Variants in ABCA10 observed in about 807,000 individuals in gnomAD.
ABCA10 encodes ATP-binding cassette sub-family A member 10.
Under a neutral mutation model 187.5 loss-of-function variants are expected in ABCA10, and 169 were observed. The observed-to-expected ratio is 0.90, with a 90% CI of 0.80 to 1.02. The LOEUF is 1.02. Ranked by LOEUF, ABCA10 falls within the 50% of genes least tolerant of loss-of-function variation. The pLI, the probability that ABCA10 is intolerant of heterozygous loss-of-function variation, is 0.00. For synonymous variants in ABCA10, 574 were observed against 601.8 expected (o/e 0.95, Z 0.68); for missense variants, 1,727 against 1,812.4 (o/e 0.95, Z 0.86).
Position 69,152,182 on chromosome 17 carries a change from A to G in ABCA10, c.4258T>C (p.Cys1420Arg), listed in dbSNP as rs1277563754. 1.9e-6 allele frequency: 3 copies of G among 1,604,108 alleles called. No individual in the cohort carries two copies. Among genetic ancestry groups the G allele is most frequent in the African/African-American group, 1.4e-5 (1 of 74,004 alleles). The change falls in exon 36 of 39, where the codon TGT becomes CGT. Residue 1420 changes from cysteine to arginine, a missense_variant and splice_region_variant. Cys to Arg is a radical substitution (Grantham distance 180). Transcript: ENST00000690296. ...MAMMVSGTLR[C>R]IGSIQHLKNK... is the part of the protein sequence containing the mutation. ...TTCAGATGTTGAATGGAACCAATACACCTAGTTCAGGGGAAATAAAGAAAA... is the reference window on the plus strand; with the variant it reads ...TTCAGATGTTGAATGGAACCAATACGCCTAGTTCAGGGGAAATAAAGAAAA...
intron 25 of ABCA10, among the ~76,000 whole-genome samples, chr17:69,166,277 T>C (rs892689635): frequency 6.6e-6 from 1 of 151,842 alleles, no homozygotes; most frequent in South Asian, 2.1e-4. Flanking sequence ...CCGTAGGACC[T>C]AGGAATTGCC....
At chr17:69,227,623 A>C (rs1360334765) in intron 1 of ABCA10, among the ~76,000 whole-genome samples, 1 of 151,948 alleles carries the variant, frequency 6.6e-6, no homozygotes, top group African/African-American at 2.4e-5. Context: ...TTAGAATCCA[A>C]AAAACACTTT....
At chr17:69,225,251 G>A in intron 3 of ABCA10, 74 bp downstream of exon 3, 1 of 1,535,398 alleles carries the variant, frequency 6.5e-7, no homozygotes, top group Non-Finnish European at 9.0e-7. Context: ...GGCTAGGTAA[G>A]TAAATTCAAC....
chr17:69,241,817 G>A (rs2074904785), intron 1 of ABCA10, among the ~76,000 whole-genome samples: 1 of 152,206 alleles, frequency 6.6e-6, no homozygotes, highest in Non-Finnish European at 1.5e-5. Context: ...TTTCAATAAT[G>A]TATATGCCTA....
At chr17:69,211,319 A>ATG (rs2074650419) in intron 9 of ABCA10, among the ~76,000 whole-genome samples, 4 of 3,656 alleles carry the variant, frequency 1.1e-3, no homozygotes, top group African/African-American at 5.0e-3. Flanking sequence ...TATATGATAT[A>ATG]TATATATATA....
intron 25 of ABCA10, among the ~76,000 whole-genome samples, chr17:69,171,934 C>CAAAA (rs555588771): frequency 6.2e-5 from 5 of 80,242 alleles, no homozygotes; most frequent in Non-Finnish European, 1.0e-4. Context: ...TTTGGGAAGC[C>CAAAA]AAAAAAAAAA....
intron 9 of ABCA10, among the ~76,000 whole-genome samples, chr17:69,207,555 G>A (rs1456408749): frequency 6.6e-6 from 1 of 152,054 alleles, no homozygotes; most frequent in African/African-American, 2.4e-5. Context: ...ATATACAATA[G>A]AATACTATTT....
chr17:69,216,321 T>C lies in ABCA10; in HGVS notation c.568A>G (p.Ile190Val). ...WGLTYICFIF[I>V]MSIFMALVIT... ...ACCAGAGCCATAAAAATGGACATAA[T>C]GAAGATGAAGCAAATGTATGTCAAT... The change falls in exon 7 of 39, where the codon ATT (isoleucine) becomes GTT (valine). Residue 190 changes from isoleucine (I) to valine (V), a missense_variant. Coordinates refer to ENST00000690296, the MANE Select transcript of ABCA10 (RefSeq NM_001377321.1). The C allele has an allele frequency of 6.2e-7, 1 of 1,613,294 alleles. No individual in the cohort carries two copies. Among genetic ancestry groups the C allele is most frequent in the Non-Finnish European group, 8.5e-7 (1 of 1,179,660 alleles).
intron 3 of ABCA10, among the ~76,000 whole-genome samples, chr17:69,224,688 GA>G (rs34181751): frequency 0.035 from 4,760 of 137,294 alleles, 139 homozygotes; most frequent in African/African-American, 0.094. Context: ...AGTCTTATGG[GA>G]AAAAAAAAAA....
At chr17:69,149,164 G>A (rs2074110041) in intron 37 of ABCA10, 76 bp from the exon 38 acceptor site, 3 of 1,507,212 alleles carry the variant, frequency 2.0e-6, no homozygotes, top group East Asian at 2.3e-5. Context: ...AATAGAGACA[G>A]TAGCTTCAAA....
At chr17:69,201,919 A>G (rs1409341459) in intron 9 of ABCA10, among the ~76,000 whole-genome samples, 1 of 151,994 alleles carries the variant, frequency 6.6e-6, no homozygotes, top group African/African-American at 2.4e-5. Flanking sequence ...CCAAGTAGCT[A>G]TTACAGGCAC....
intron 25 of ABCA10, 82 bp downstream of exon 25, chr17:69,174,199 C>A (rs1159205155): frequency 3.9e-6 from 4 of 1,019,652 alleles, no homozygotes; most frequent in Admixed American, 2.8e-5. Context: ...CTCTTCTAAG[C>A]AAAGTATTTA....
Position 69,174,878 on chromosome 17 carries a change from A to G in ABCA10, c.2878-101T>C, listed in dbSNP as rs1224902951. 4 of 1,058,908 alleles carry G rather than the reference A, an allele frequency of 3.8e-6. No individual in the cohort carries two copies. In the African/African-American group the frequency reaches 6.5e-5, roughly 17 times the overall value. The allele number at this position is 1,058,908 out of a possible 1,614,324, so 65.6% of individuals were successfully genotyped here. On this transcript the variant is annotated intron_variant, in intron 23 of 38. Transcript: ENST00000690296. ...TAATAAATTTTAGAAATAGTATGTT[A>G]TAGTGTCTGTGTGACAAAAAGCATC...
chr17:69,183,008 G>A (rs543062357), intron 20 of ABCA10, among the ~76,000 whole-genome samples, 200 bp from the exon 21 acceptor site: 8 of 152,114 alleles, frequency 5.3e-5, no homozygotes, highest in Non-Finnish European at 7.4e-5. Context: ...TCAATGTGAC[G>A]GACTCCTTTA....
In ABCA10 at chr17:69,187,300, T is replaced by G. The variant is rs570706346; in HGVS notation, c.2330+381A>C. 4.6e-5 allele frequency among the ~76,000 whole-genome samples: 7 copies of G among 152,228 alleles called. No homozygotes were observed. In the South Asian group the frequency reaches 1.4e-3, roughly 32 times the overall value. On this transcript the variant is annotated intron_variant, in intron 19 of 38. Coordinates refer to ENST00000690296, the MANE Select transcript of ABCA10 (RefSeq NM_001377321.1). ...TGCACAAGGGATACATGAGGAGGCA[T>G]GAAGAGATATCTGTACATGCCTGAG... is the stretch of plus-strand genomic sequence containing the variant.
chr17:69,163,254 G>A (rs2074231736), intron 27 of ABCA10, among the ~76,000 whole-genome samples: 1 of 152,188 alleles, frequency 6.6e-6, no homozygotes, highest in Non-Finnish European at 1.5e-5. Context: ...CCTGAAGATT[G>A]AGGGGTGTCA....
Position 69,187,764 on chromosome 17 carries a change from T to A in ABCA10, c.2247A>T (p.Ala749=). 6.2e-7 allele frequency: 1 copy of A among 1,613,960 alleles called. No individual in the cohort carries two copies. The highest frequency in any genetic ancestry group is 1.3e-5 in the African/African-American group (1 of 75,056). The change falls in exon 19 of 39, where the codon GCA becomes GCT. Residue 749 remains alanine (A), a synonymous_variant. Coordinates refer to ENST00000690296, the MANE Select transcript of ABCA10 (RefSeq NM_001377321.1). ...LPETRKAVSS[A]ALWRRQIYAV... ...CATAGATTTGTCGTCTCCAGAGAGCTGCACTACTGACAGCCTTTCTTGTTT... is the reference window on the plus strand; with the variant it reads ...CATAGATTTGTCGTCTCCAGAGAGCAGCACTACTGACAGCCTTTCTTGTTT...
intron 1 of ABCA10, among the ~76,000 whole-genome samples, chr17:69,240,725 C>T (rs1019479853): frequency 5.9e-5 from 9 of 152,208 alleles, no homozygotes; most frequent in African/African-American, 2.2e-4. Flanking sequence ...CCAAAGTTGT[C>T]TTCCTCTTTC....
At chr17:69,237,764 T>G (rs1008936557) in intron 1 of ABCA10, among the ~76,000 whole-genome samples, 9 of 152,072 alleles carry the variant, frequency 5.9e-5, no homozygotes, top group Non-Finnish European at 1.0e-4. Flanking sequence ...GGCCCTAAAT[T>G]CAAAATGACT....
Sources: allele counts gnomAD v4.1 joint callset (sites outside exome capture counted in the v4.1 genomes callset), GRCh38; gene constraint gnomAD v4.1.1; transcripts MANE v1.5; gene names NCBI Gene and HGNC (gene_info 2026-07-23, HGNC 2026-07-21).